CDCA5: variants seen among roughly 807,000 people sequenced by gnomAD.
CDCA5 encodes cell division cycle associated 5, also known as sororin.
Under a neutral mutation model 25.7 loss-of-function variants are expected in CDCA5, and 14 were observed. The observed-to-expected ratio is 0.54, with a 90% CI of 0.36 to 0.85. The LOEUF is 0.85. Among genes scored for constraint, CDCA5 ranks in the 40% least tolerant of loss-of-function variants. The probability of loss-of-function intolerance (pLI) is 0.01; values close to 1 mark genes in which losing one functional copy is unlikely to be tolerated. For missense variants in CDCA5, 307 were observed against 324.5 expected (o/e 0.95, Z 0.41); for synonymous variants, 127 against 128.7 (o/e 0.99, Z 0.09).
rs1399350488 is a variant in CDCA5 at position 65,078,943 on chromosome 11, C to T, written c.*164G>A. 5.6e-6 allele frequency: 7 copies of T among 1,258,642 alleles called. No homozygotes were observed. The highest frequency in any genetic ancestry group is 7.2e-5 in the South Asian group (2 of 27,686). 78.0% of individuals were successfully genotyped at this position (1,258,642 alleles called of 1,614,324 possible). A position where few individuals can be genotyped will look rare whatever the true frequency, so the allele number is the denominator to read the frequency against. On this transcript the variant is annotated 3_prime_UTR_variant, in exon 6 of 6. Coordinates refer to ENST00000275517, the MANE Select transcript of CDCA5 (RefSeq NM_080668.4). ...CATTTCCTAAAACCAAGATGGCTGC[C>T]GCTGCTGCCCAAGCCCTCAAAGGCA...
chr11:65,066,882 A>G (rs981165241), intron 4 of CDCA5: 4 of 1,289,158 alleles, frequency 3.1e-6, no homozygotes, highest in Non-Finnish European at 4.0e-6. Flanking sequence ...CCCGAAGCCT[A>G]GGGTTGAAAA....
intron 4 of CDCA5, chr11:65,066,935 A>T (rs920061441): frequency 1.6e-6 from 2 of 1,231,982 alleles, no homozygotes; most frequent in African/African-American, 3.1e-5. Flanking sequence ...TCCAGGCAGC[A>T]CTCCCCACCC....
chr11:65,069,672 A>G (rs1947304159), intron 1 of CDCA5, among the ~76,000 whole-genome samples: 1 of 152,208 alleles, frequency 6.6e-6, no homozygotes, highest in South Asian at 2.1e-4. Context: ...AACAACTCCA[A>G]ATAAAAGTAA....
intron 1 of CDCA5, among the ~76,000 whole-genome samples, chr11:65,071,457 C>A (rs1259260761): frequency 6.6e-6 from 1 of 151,426 alleles, no homozygotes; most frequent in South Asian, 2.1e-4. Context: ...GGCAATTCTC[C>A]TGCCTCAGCC....
chr11:65,067,925 T>A, intron 3 of CDCA5: 1 of 902,302 alleles, frequency 1.1e-6, no homozygotes, highest in Non-Finnish European at 1.6e-6. Context: ...TTTCTGGGTG[T>A]GGGGTGGGGA....
intron 2 of CDCA5, 37 bp downstream of exon 2, chr11:65,083,592 G>A (rs1176352718): frequency 1.2e-6 from 2 of 1,614,168 alleles, no homozygotes; most frequent in African/African-American, 1.3e-5. Context: ...TTAGGTGAGG[G>A]GCCACAAGGG....
chr11:65,079,854 G>C (rs976851552), intron 4 of CDCA5, 67 bp from the exon 5 acceptor site: 5 of 1,275,364 alleles, frequency 3.9e-6, no homozygotes, highest in Non-Finnish European at 5.2e-6. Flanking sequence ...AGAAAAGCCC[G>C]AGAAGATTCA....
In CDCA5 at chr11:65,079,554, G is replaced by C; in HGVS notation, c.477C>G (p.Thr159=). 1.2e-6 allele frequency: 2 copies of C among 1,614,130 alleles called. No homozygotes were observed. The highest frequency in any genetic ancestry group is 1.7e-6 in the Non-Finnish European group (2 of 1,180,016). ...LETLGSASTS[T]PGRRSCFGFE... ...AGCCAAAGCAGGACCGGCGGCCTGGGGTGGAGGTAGAGGCAGAGCCCAGGG... is the reference window on the plus strand; with the variant it reads ...AGCCAAAGCAGGACCGGCGGCCTGGCGTGGAGGTAGAGGCAGAGCCCAGGG... The change falls in exon 5 of 6, where the codon ACC becomes ACG. Residue 159 remains threonine, a synonymous_variant. Coordinates refer to ENST00000275517, the MANE Select transcript of CDCA5 (RefSeq NM_080668.4).
chr11:65,067,834 C>A (rs492799), intron 3 of CDCA5: 95,195 of 954,002 alleles, frequency 0.1, 5,877 homozygotes, highest in Middle Eastern at 0.12. Flanking sequence ...GGGTGCCCAG[C>A]CAAAGGCCCC....
intron 4 of CDCA5, among the ~76,000 whole-genome samples, chr11:65,082,124 C>T (rs754456993): frequency 3.9e-5 from 6 of 152,216 alleles, no homozygotes; most frequent in East Asian, 1.9e-4. Context: ...CTGGACTTCA[C>T]GTCATTCCAC....
intron 4 of CDCA5, chr11:65,067,622 C>A: frequency 7.9e-7 from 1 of 1,261,572 alleles, no homozygotes; most frequent in African/African-American, 1.5e-5. Context: ...AGCCCTGTCA[C>A]CCTACCCGCT....
chr11:65,067,018 C>G (rs528450460), intron 4 of CDCA5: 94 of 491,938 alleles, frequency 1.9e-4, no homozygotes, highest in African/African-American at 1.8e-3. Context: ...GCCCAGTCTT[C>G]CTGTCCCGGC....
chr11:65,062,753 G>T (rs573975607), downstream of CDCA5, among the ~76,000 whole-genome samples: 41 of 152,280 alleles, frequency 2.7e-4, no homozygotes, highest in South Asian at 1.0e-3. Context: ...GCAACATAGT[G>T]AGAATCCATG....
Position 65,083,498 on chromosome 11 carries a change from GC to G in CDCA5, c.193del (p.Ala65ProfsTer4). 6.2e-7 allele frequency: 1 copy of G among 1,614,188 alleles called. No homozygotes were observed. The highest frequency in any genetic ancestry group is 8.5e-7 in the Non-Finnish European group (1 of 1,180,034). On this transcript the variant is annotated frameshift_variant, in exon 3 of 6. Transcript: ENST00000275517. LOFTEE classifies it high-confidence loss of function. Reference sequence around the variant, plus strand: ...CTTAGCCTTTACCTCTACAGCATGGGCCACGATCCTCTTTAAGACGATGGGC... The same window carrying G: ...CTTAGCCTTTACCTCTACAGCATGGGCACGATCCTCTTTAAGACGATGGGC... ...RKPIVLKRIVAHAVEVPAVQS... is the reference protein window; with the variant it reads ...RKPIVLKRIVXHAVEVPAVQS...
At chr11:65,073,435 G>A (rs971582398), downstream of CDCA5, among the ~76,000 whole-genome samples, 3 of 152,208 alleles carry the variant, frequency 2.0e-5, no homozygotes, top group African/African-American at 4.8e-5. Flanking sequence ...CCAGGGTGGG[G>A]CAGGTGGGGA....
downstream of CDCA5, among the ~76,000 whole-genome samples, chr11:65,064,516 A>C (rs563605745): frequency 6.6e-6 from 1 of 152,316 alleles, no homozygotes; most frequent in East Asian, 1.9e-4. Flanking sequence ...TATTGACAGA[A>C]GTCCTTAAAT....
chr11:65,066,847 T>G (rs957271722), exon 5 of CDCA5: 1 of 1,289,192 alleles, frequency 7.8e-7, no homozygotes, highest in African/African-American at 1.5e-5. Context: ...GGCCAGGTTG[T>G]GCACTTGGGT....
exon 2 of CDCA5, chr11:65,068,533 C>T: frequency 7.8e-7 from 1 of 1,289,436 alleles, no homozygotes; most frequent in South Asian, 1.2e-5. Context: ...TGGGTTCTTG[C>T]TCCTCAACAG....
intron 1 of CDCA5, chr11:65,068,699 C>CG (rs1405679060): frequency 3.3e-6 from 2 of 603,136 alleles, no homozygotes; most frequent in East Asian, 1.4e-4. Context: ...TCCAGCCTGG[C>CG]GAGCGTCTAT....
Sources: allele counts gnomAD v4.1 joint callset (sites outside exome capture counted in the v4.1 genomes callset), GRCh38; gene constraint gnomAD v4.1.1; transcripts MANE v1.5; gene names NCBI Gene and HGNC (gene_info 2026-07-23, HGNC 2026-07-21).